Variants in EIF2B5 observed in about 807,000 individuals in gnomAD.
EIF2B5 encodes the protein translation initiation factor eIF2B subunit epsilon.
Under a neutral mutation model 87.3 loss-of-function variants are expected in EIF2B5, and 38 were observed. The ratio of observed to expected loss-of-function variants is 0.44; its 90% CI spans 0.34 to 0.57. The LOEUF (loss-of-function observed/expected upper bound fraction) is 0.57. Among genes scored for constraint, EIF2B5 ranks in the 20% least tolerant of loss-of-function variants. The pLI is 0.02. For missense variants in EIF2B5, 784 were observed against 909.5 expected (o/e 0.86, Z 1.78); for synonymous variants, 313 against 339.6 (o/e 0.92, Z 0.86).
intron 2 of EIF2B5, 27 bp downstream of exon 2, chr3:184,136,763 T>C (rs371931237): frequency 1.2e-6 from 2 of 1,614,136 alleles, no homozygotes; most frequent in East Asian, 2.2e-5. Flanking sequence ...TTTCTTTCCA[T>C]GTTTCGCCAT....
chr3:184,136,559 G>C, intron 1 of EIF2B5, 53 bp from the exon 2 acceptor site: 1 of 1,611,236 alleles, frequency 6.2e-7, no homozygotes, highest in Non-Finnish European at 8.5e-7. Flanking sequence ...GTTGCAGTGG[G>C]GTACCCAAAG....
At position 184,137,812 on chromosome 3, in the gene EIF2B5, A is replaced by G. The variant is rs981754247; in HGVS notation, c.506+7A>G. ...GAGCCCTTGAGGAACACAGGTCAGG[A>G]TGGGAAAATGACAGGAACAAGGGTT... is the stretch of plus-strand genomic sequence containing the variant. On this transcript the variant is annotated splice_region_variant and intron_variant, in intron 3 of 15. Coordinates refer to ENST00000648915, the MANE Select transcript of EIF2B5 (RefSeq NM_003907.3). The G allele has an allele frequency of 1.9e-6, 3 of 1,614,210 alleles. No individual in the cohort carries two copies. Among genetic ancestry groups the G allele is most frequent in the South Asian group, 1.1e-5 (1 of 91,080 alleles).
In EIF2B5 at chr3:184,142,022, G is replaced by C; in HGVS notation, c.1254G>C (p.Glu418Asp). 1.7e-5 allele frequency: 28 copies of C among 1,614,132 alleles called. No homozygotes were observed. The highest frequency in any genetic ancestry group is 2.4e-5 in the Non-Finnish European group (28 of 1,180,022). ...IHQSLLCDNA[E>D]VKERVTLKPR... ...AGTCTCTGCTTTGTGACAATGCTGA[G>C]GTCAAGGAACGAGTGACACTGAAAC... Residue 418 changes from glutamate to aspartate, a missense_variant, in exon 8 of 16, where the codon GAG becomes GAC. Physicochemically the swap from Glu to Asp is conservative, Grantham distance 45. This residue lies in a region of EIF2B5 where 660 missense variants were observed against 789.5 expected (regional missense o/e 0.84). Coordinates refer to ENST00000648915, the MANE Select transcript of EIF2B5 (RefSeq NM_003907.3). This position sits in a 1 kb window ranked among gnomAD's most constrained non-coding sequence, Gnocchi z 5.0.
chr3:184,137,477 C>T, intron 2 of EIF2B5, 143 bp from the exon 3 acceptor site: 2 of 754,996 alleles, frequency 2.6e-6, no homozygotes, highest in South Asian at 2.9e-5. Flanking sequence ...GTTCATAATA[C>T]TCTTTGAAGT....
intron 1 of EIF2B5, chr3:184,135,923 A>G: frequency 2.7e-6 from 1 of 364,160 alleles, no homozygotes; most frequent in Non-Finnish European, 5.0e-6. Flanking sequence ...TTAGGTGAAA[A>G]GAAACGACCT....
At position 184,138,219 on chromosome 3, in the gene EIF2B5, T is replaced by G. The variant is rs766843541; in HGVS notation, c.738T>G (p.Asp246Glu). 1 of 1,614,006 alleles carries G rather than the reference T, an allele frequency of 6.2e-7. No individual in the cohort carries two copies. Among genetic ancestry groups the G allele is most frequent in the Non-Finnish European group, 8.5e-7 (1 of 1,180,014 alleles). Residue 246 changes from aspartate to glutamate, a missense_variant, in exon 5 of 16, where the codon GAT (aspartate) becomes GAG (glutamate). Physicochemically the swap from Asp to Glu is conservative, Grantham distance 45. Around this residue, in one of 3 missense-constraint regions of EIF2B5, gnomAD observed 660 missense variants for 789.5 expected, o/e 0.84. Coordinates refer to ENST00000648915, the MANE Select transcript of EIF2B5 (RefSeq NM_003907.3). ...TGGAGGTTCGATATGATTTACTGGA[T>G]TGTCATATCAGCATCTGTTCTCCTC... ...DGVEVRYDLL[D>E]CHISICSPQV...
chr3:184,144,872 G>T lies in EIF2B5; in HGVS notation c.2107-12G>T. On this transcript the variant is annotated splice_polypyrimidine_tract_variant and intron_variant, in intron 15 of 15. Coordinates refer to ENST00000648915, the MANE Select transcript of EIF2B5 (RefSeq NM_003907.3). Reference sequence around the variant, plus strand: ...ACCTCCCCCAGCCGATCTCTCCTCTGCTTCTTTACAGCTGCAGAGGTTCAT... The same window carrying T: ...ACCTCCCCCAGCCGATCTCTCCTCTTCTTCTTTACAGCTGCAGAGGTTCAT... The T allele has an allele frequency of 1.2e-6, 2 of 1,613,422 alleles. No individual in the cohort carries two copies. Among genetic ancestry groups the T allele is most frequent in the Non-Finnish European group, 8.5e-7 (1 of 1,179,884 alleles).
intron 5 of EIF2B5, among the ~76,000 whole-genome samples, 185 bp from the exon 6 acceptor site, chr3:184,139,895 C>T (rs535121070): frequency 1.2e-4 from 18 of 151,876 alleles, no homozygotes; most frequent in Admixed American, 3.3e-4. Flanking sequence ...TGGTGGCGGA[C>T]GCTTGTAATC....
chr3:184,135,415 T>G lies in EIF2B5; in HGVS notation c.30T>G (p.Gly10=). The change falls in exon 1 of 16, where the codon GGT becomes GGG. Residue 10 remains glycine (G), a synonymous_variant. Coordinates refer to ENST00000648915, the MANE Select transcript of EIF2B5 (RefSeq NM_003907.3). ...CGGCCCCTGTAGTGGCGCCGCCTGG[T>G]GTGGTGGTTAGTCGGGCTAACAAGC... MAAPVVAPP[G]VVVSRANKRS... is the part of the protein sequence containing the mutation. The G allele has an allele frequency of 6.3e-7, 1 of 1,581,962 alleles. No homozygotes were observed. Among genetic ancestry groups the G allele is most frequent in the Non-Finnish European group, 8.6e-7 (1 of 1,165,732 alleles).
At position 184,142,272 on chromosome 3, in the gene EIF2B5, C is replaced by T; in HGVS notation, c.1338C>T (p.Gly446=). 10 of 1,614,100 alleles carry T rather than the reference C, an allele frequency of 6.2e-6. No individual in the cohort carries two copies. Among genetic ancestry groups the T allele is most frequent in the Non-Finnish European group, 8.5e-6 (10 of 1,180,024 alleles). ...GCCCAAATATCACGCTGCCTGAGGG[C>T]TCGGTGATCTCTTTGCACCCTCCAG... ...VVGPNITLPE[G]SVISLHPPDA... The change falls in exon 9 of 16, where the codon GGC becomes GGT. Residue 446 remains glycine, a synonymous_variant. Transcript: ENST00000648915. The surrounding 1 kb of genome is among the most constrained non-coding windows in gnomAD (Gnocchi z 5.0).
In EIF2B5 at chr3:184,139,270, ATTTTTTTTTTTTTT is replaced by A. The variant is rs1196978595; in HGVS notation, c.766-795_766-782del. 2.9e-4 allele frequency among the ~76,000 whole-genome samples: 14 copies of A among 48,022 alleles called. No homozygotes were observed. The East Asian group carries it at 6.7e-3, about 23-fold the overall frequency. 31.5% of individuals were successfully genotyped at this position (48,022 alleles called of 152,430 possible). On this transcript the variant is annotated intron_variant, in intron 5 of 15. Coordinates refer to ENST00000648915, the MANE Select transcript of EIF2B5 (RefSeq NM_003907.3). ...ACAGGTGTGAGCCTCTGCACCCAGCATTTTTTTTTTTTTTTTTTTTTTTTTTTTGAGTCGGAGTT... is the reference window on the plus strand; with the variant it reads ...ACAGGTGTGAGCCTCTGCACCCAGCATTTTTTTTTTTTTTGAGTCGGAGTT...
At chr3:184,143,202 G>C in intron 12 of EIF2B5, 60 bp downstream of exon 12, 1 of 1,576,056 alleles carries the variant, frequency 6.3e-7, no homozygotes, top group African/African-American at 1.3e-5. Context: ...AGGCTTTCTC[G>C]TAAGTGTTTT....
intron 14 of EIF2B5, 31 bp from the exon 15 acceptor site, chr3:184,144,566 C>CCCTGAGGT: frequency 6.3e-7 from 1 of 1,598,890 alleles, no homozygotes; most frequent in South Asian, 1.1e-5. Flanking sequence ...TTTCCAAGGC[C>CCCTGAGGT]CCTGAGGTCC....
intron 2 of EIF2B5, 53 bp from the exon 3 acceptor site, chr3:184,137,567 C>G: frequency 6.3e-7 from 1 of 1,586,970 alleles, no homozygotes; most frequent in Non-Finnish European, 8.7e-7. Context: ...GGGGAAGGCT[C>G]AAATGATCTT....
chr3:184,135,877 G>C (rs754488895), intron 1 of EIF2B5: 2 of 491,334 alleles, frequency 4.1e-6, no homozygotes, highest in Non-Finnish European at 7.3e-6. Flanking sequence ...CCCTAGAAGA[G>C]GCTGCGCCGC....
intron 7 of EIF2B5, among the ~76,000 whole-genome samples, chr3:184,141,231 A>G (rs1390274182): frequency 3.3e-5 from 5 of 152,110 alleles, no homozygotes; most frequent in Non-Finnish European, 5.9e-5. Flanking sequence ...CAGGAGTGTG[A>G]TGCGTCTAAT....
At chr3:184,137,480 TTTGAAG>T (rs1713413961) in intron 2 of EIF2B5, 134 bp from the exon 3 acceptor site, 2 of 771,288 alleles carry the variant, frequency 2.6e-6, no homozygotes, top group Admixed American at 3.9e-5. Context: ...CATAATACTC[TTTGAAG>T]TTGAAGACGC....
In EIF2B5 at chr3:184,140,718, G is replaced by A. The variant is rs372909017; in HGVS notation, c.1144G>A (p.Gly382Ser). Residue 382 changes from glycine to serine, a missense_variant, in exon 7 of 16, where the codon GGC (glycine) becomes AGC (serine). Around this residue, in one of 3 missense-constraint regions of EIF2B5, gnomAD observed 660 missense variants for 789.5 expected, o/e 0.84. Coordinates refer to ENST00000648915, the MANE Select transcript of EIF2B5 (RefSeq NM_003907.3). ...TATCACCAACAGTGTCATTGGCCCC[G>A]GCTGCCACATTGGTGAGCACAGGTG... is the stretch of plus-strand genomic sequence containing the variant. ...CFITNSVIGP[G>S]CHIGDNVVLD... The A allele has an allele frequency of 9.3e-6, 15 of 1,613,978 alleles. No individual in the cohort carries two copies. The highest frequency in any genetic ancestry group is 2.7e-5 in the African/African-American group (2 of 74,928).
chr3:184,140,178 C>T (rs764966371), intron 6 of EIF2B5, 21 bp downstream of exon 6: 22 of 1,601,640 alleles, frequency 1.4e-5, no homozygotes, highest in Admixed American at 3.3e-5. Context: ...TCTTCCAATG[C>T]CTCTTTAGGA....
Sources: gnomAD v4.1 joint callset for allele counts (sites outside exome capture counted in the v4.1 genomes callset) on GRCh38, gnomAD v4.1.1 for gene constraint, gnomAD v4.1.1 regional missense constraint, Gnocchi (gnomAD v3.1) non-coding constraint, MANE v1.5 for transcripts, NCBI Gene and HGNC (gene_info 2026-07-23, HGNC 2026-07-21) for gene names.